The following NAPB variants were observed in gnomAD, a reference collection of about 807,000 sequenced individuals.
NAPB encodes the protein NSF attachment protein beta.
NAPB carries 26 observed loss-of-function variants against 44.7 expected under a neutral mutation model. The observed-to-expected ratio is 0.58, with a 90% CI of 0.43 to 0.81. The LOEUF is 0.81. Ranked by LOEUF, NAPB falls within the 30% of genes least tolerant of loss-of-function variation. The pLI is 0.00. For synonymous variants in NAPB, 120 were observed against 116.8 expected (o/e 1.03, Z -0.18); for missense variants, 315 against 356.4 (o/e 0.88, Z 0.94).
At chr20:23,381,381 T>C in intron 7 of NAPB, 64 bp from the exon 8 acceptor site, 2 of 962,944 alleles carry the variant, frequency 2.1e-6, no homozygotes. Context: ...AAAGTCATTC[T>C]CATCTGTTGT....
At chr20:23,403,865 C>T (rs548717882) in intron 1 of NAPB, among the ~76,000 whole-genome samples, 15 of 152,290 alleles carry the variant, frequency 9.8e-5, no homozygotes, top group Middle Eastern at 3.4e-3. Flanking sequence ...GAAAGTGGCA[C>T]GACATTCTAC....
chr20:23,403,104 A>T, intron 1 of NAPB, 32 bp from the exon 2 acceptor site: 1 of 1,479,458 alleles, frequency 6.8e-7, no homozygotes, highest in Non-Finnish European at 9.4e-7. Flanking sequence ...GATTTTTAAC[A>T]ACCATCCACA....
intron 1 of NAPB, among the ~76,000 whole-genome samples, chr20:23,405,677 T>C (rs771982540): frequency 3.3e-5 from 5 of 152,106 alleles, no homozygotes; most frequent in Non-Finnish European, 7.4e-5. Flanking sequence ...TGAGCCGAGA[T>C]AGTGTCACTG....
rs982237180 is a variant in NAPB, at chr20:23,374,651, A to C, written c.*2725T>G. ...GGTCATAGCTCATACCACAGCAGGC[A>C]GGTCACGGGGGCATGCTGTGCTGCC... On this transcript the variant is annotated 3_prime_UTR_variant, in exon 11 of 11. Transcript: ENST00000377026. The C allele has an allele frequency of 6.6e-6, 1 of 152,170 alleles. No homozygotes were observed. The highest frequency in any genetic ancestry group is 1.5e-5 in the Non-Finnish European group (1 of 68,026). 9.4% of individuals were successfully genotyped at this position (152,170 alleles called of 1,614,324 possible).
Position 23,414,902 on chromosome 20 carries a change from C to G in NAPB, c.98+6403G>C, listed in dbSNP as rs74339936. 6.6e-3 allele frequency among the ~76,000 whole-genome samples: 1,000 copies of G among 152,144 alleles called. 6 individuals are homozygous for G. Among genetic ancestry groups the G allele is most frequent in the Middle Eastern group, 0.041 (12 of 294 alleles). On this transcript the variant is annotated intron_variant, in intron 1 of 10. Transcript: ENST00000377026. ...TATCACAATTTGGACAATATATTCT[C>G]TTTGACTCCATAACTCACAAAAATA...
At chr20:23,406,751 G>A (rs1285101072) in intron 1 of NAPB, among the ~76,000 whole-genome samples, 1 of 152,094 alleles carries the variant, frequency 6.6e-6, no homozygotes, top group Non-Finnish European at 1.5e-5. Flanking sequence ...ACTTTCTTGG[G>A]TCTTGTTTTT....
intron 1 of NAPB, among the ~76,000 whole-genome samples, chr20:23,420,998 G>A (rs993290565): frequency 1.3e-5 from 2 of 151,332 alleles, no homozygotes; most frequent in Non-Finnish European, 3.0e-5. Flanking sequence ...CCGGCCCTAG[G>A]GGGTCTCTAA....
intron 1 of NAPB, among the ~76,000 whole-genome samples, chr20:23,412,680 G>A (rs369241936): frequency 6.6e-6 from 1 of 152,130 alleles, no homozygotes; most frequent in African/African-American, 2.4e-5. Context: ...AGACAAGAGG[G>A]ATCTCTATCA....
At chr20:23,379,997 C>T (rs1295432183) in intron 8 of NAPB, 62 bp from the exon 9 acceptor site, 4 of 1,357,522 alleles carry the variant, frequency 2.9e-6, no homozygotes, top group Non-Finnish European at 4.2e-6. Flanking sequence ...TTTCAACATT[C>T]TATCAGCTTC....
intron 2 of NAPB, among the ~76,000 whole-genome samples, chr20:23,397,601 T>C (rs905659039): frequency 5.9e-5 from 9 of 152,266 alleles, no homozygotes; most frequent in African/African-American, 1.7e-4. Flanking sequence ...TCTATCTTAG[T>C]GTCTCCTACA....
At chr20:23,377,540 C>A (rs1982615392) in intron 10 of NAPB, 54 bp from the exon 11 acceptor site, 1 of 1,183,902 alleles carries the variant, frequency 8.4e-7, no homozygotes, top group Non-Finnish European at 1.2e-6. Flanking sequence ...ATTAAAAACA[C>A]AAAATAATAG....
intron 3 of NAPB, among the ~76,000 whole-genome samples, chr20:23,396,527 A>T (rs547405063): frequency 6.6e-6 from 1 of 152,256 alleles, no homozygotes. Flanking sequence ...AAAAAGAAAT[A>T]ATCTTTGCAA....
chr20:23,413,068 CAGG>C (rs1022159037), intron 1 of NAPB, among the ~76,000 whole-genome samples: 2 of 151,946 alleles, frequency 1.3e-5, no homozygotes, highest in African/African-American at 4.8e-5. Context: ...GAGGCCAAAG[CAGG>C]AGGATTGCTT....
chr20:23,384,215 C>T (rs1420337878), intron 7 of NAPB, among the ~76,000 whole-genome samples: 2 of 152,074 alleles, frequency 1.3e-5, no homozygotes, highest in Non-Finnish European at 2.9e-5. Flanking sequence ...TGAGAGAGGT[C>T]CTGGAACTAA....
At chr20:23,401,771 C>T (rs985831971) in intron 2 of NAPB, among the ~76,000 whole-genome samples, 28 of 152,246 alleles carry the variant, frequency 1.8e-4, no homozygotes, top group Admixed American at 1.3e-3. Context: ...GTCCCAGCTA[C>T]GAGGGAGGCT....
Position 23,400,112 on chromosome 20 carries a change from C to A in NAPB, c.178+2881G>T, listed in dbSNP as rs560848888. 4.6e-5 allele frequency among the ~76,000 whole-genome samples: 7 copies of A among 152,290 alleles called. No homozygotes were observed. The South Asian group carries it at 1.5e-3, about 32-fold the overall frequency. ...CTCCATTTCTCCAGACAACAGTAAG[C>A]GCTTTAATTTTACATTTTCACATTC... On this transcript the variant is annotated intron_variant, in intron 2 of 10. Transcript: ENST00000377026.
At chr20:23,386,364 CATTT>C (rs1375503173) in intron 7 of NAPB, among the ~76,000 whole-genome samples, 1 of 152,148 alleles carries the variant, frequency 6.6e-6, no homozygotes, top group Non-Finnish European at 1.5e-5. Context: ...TTCTACCAAA[CATTT>C]AAAGAGGAAT....
At chr20:23,381,550 T>C (rs1200752539) in intron 7 of NAPB, among the ~76,000 whole-genome samples, 1 of 152,220 alleles carries the variant, frequency 6.6e-6, no homozygotes, top group Non-Finnish European at 1.5e-5. Flanking sequence ...TCCAATAAGA[T>C]GGAGTAAACA....
intron 1 of NAPB, among the ~76,000 whole-genome samples, chr20:23,412,118 C>T (rs1985697406): frequency 6.6e-6 from 1 of 152,206 alleles, no homozygotes; most frequent in Non-Finnish European, 1.5e-5. Flanking sequence ...GACTTGTTTA[C>T]TGCAGACTGG....
Sources: allele counts gnomAD v4.1 joint callset (sites outside exome capture counted in the v4.1 genomes callset), GRCh38; gene constraint gnomAD v4.1.1; transcripts MANE v1.5; gene names NCBI Gene and HGNC (gene_info 2026-07-23, HGNC 2026-07-21).